Variants in RBM28 observed in about 807,000 individuals in gnomAD.
The protein encoded by RBM28 is RNA-binding protein 28.
In RBM28, 78 loss-of-function variants were observed where a neutral mutation model predicts 98.3. That is an observed-to-expected ratio of 0.79 (90% CI 0.66 to 0.96). The LOEUF is 0.96. RBM28 is among the 40% of genes least tolerant of loss of function. The pLI, the probability that RBM28 is intolerant of heterozygous loss-of-function variation, is 0.00. For synonymous variants in RBM28, 306 were observed against 330.9 expected, an observed-to-expected ratio of 0.92 and a Z score of 0.82; for missense variants, 838 against 913.0, an observed-to-expected ratio of 0.92 and a Z score of 1.06.
chr7:128,316,571 G>A (rs1329609759), intron 16 of RBM28, among the ~76,000 whole-genome samples: 1 of 152,050 alleles, frequency 6.6e-6, no homozygotes, highest in Admixed American at 6.6e-5. Flanking sequence ...AAATTAGCCG[G>A]GTATGGTGGT....
intron 11 of RBM28, 42 bp from the exon 12 acceptor site, chr7:128,324,736 G>A (rs369468986): frequency 1.4e-4 from 218 of 1,613,058 alleles, no homozygotes; most frequent in Non-Finnish European, 1.8e-4. Flanking sequence ...CATAATGGCC[G>A]GGCACAGTGG....
At chr7:128,331,076 C>G (rs1014485696) in intron 9 of RBM28, 148 bp from the exon 10 acceptor site, 2 of 679,292 alleles carry the variant, frequency 2.9e-6, no homozygotes, top group Non-Finnish European at 5.3e-6. Context: ...TGACCCTTGG[C>G]CCCAACTGAC....
At chr7:128,319,696 A>G (rs1796179728) in intron 14 of RBM28, among the ~76,000 whole-genome samples, 1 of 152,222 alleles carries the variant, frequency 6.6e-6, no homozygotes, top group Non-Finnish European at 1.5e-5. Context: ...ATAATGAGAT[A>G]ACGCTTGCCT....
At chr7:128,316,846 G>A (rs1235447917) in intron 16 of RBM28, among the ~76,000 whole-genome samples, 1 of 152,074 alleles carries the variant, frequency 6.6e-6, no homozygotes. Context: ...TCCAACCTAG[G>A]GCCACTGCAT....
At position 128,314,784 on chromosome 7, in the gene RBM28, T is replaced by G. The variant is rs186913740; in HGVS notation, c.2025A>C (p.Ser675=). The change falls in exon 17 of 19, where the codon TCA becomes TCC. Residue 675 remains serine (S), a synonymous_variant. Coordinates refer to ENST00000223073, the MANE Select transcript of RBM28 (RefSeq NM_018077.3). The stretch of plus-strand genomic sequence containing the variant: ...CTCACCTGATTTTGGGGCCTCGGTG[T>G]GAGGGGAGCGCCAGGACCTTTCTTC... ...KKRRKVLALP[S]HRGPKIRLRD... 2.4e-5 allele frequency: 39 copies of G among 1,614,190 alleles called. No homozygotes were observed. The African/African-American group carries it at 4.9e-4, about 20-fold the overall frequency.
rs1238116545 is a variant in RBM28 at position 128,309,593 on chromosome 7, A to AATGAGCTGAGACAGCGCCT, written c.*1203_*1204insAGGCGCTGTCTCAGCTCAT. 2.0e-5 allele frequency: 3 copies of AATGAGCTGAGACAGCGCCT among 150,046 alleles called. No individual in the cohort carries two copies. Among genetic ancestry groups the AATGAGCTGAGACAGCGCCT allele is most frequent in the African/African-American group, 7.4e-5 (3 of 40,546 alleles). The allele number at this position is 150,046 out of a possible 1,614,324, so 9.3% of individuals were successfully genotyped here. On this transcript the variant is annotated 3_prime_UTR_variant, in exon 19 of 19. Coordinates refer to ENST00000223073, the MANE Select transcript of RBM28 (RefSeq NM_018077.3). ...GGTTGCAATGAGCTGAGACAGCGCC[A>AATGAGCTGAGACAGCGCCT]TTGCACTCCAGCCTGGGCGACAGAG...
At chr7:128,336,194 A>C in intron 6 of RBM28, 152 bp from the exon 7 acceptor site, 1 of 755,108 alleles carries the variant, frequency 1.3e-6, no homozygotes, top group East Asian at 2.7e-5. Flanking sequence ...GAAAGTATAA[A>C]GAAAAGAAAA....
rs1173601573 is a variant in RBM28, at chr7:128,338,315, A to T, written c.476T>A (p.Val159Asp). 6.2e-7 allele frequency: 1 copy of T among 1,614,160 alleles called. No homozygotes were observed. Among genetic ancestry groups the T allele is most frequent in the South Asian group, 1.1e-5 (1 of 91,084 alleles). ...TGCTTCTAGGAGGTTTTTGAACTGA[A>T]CAAAACCAAAACCGCGCATCTTCCC... is the stretch of plus-strand genomic sequence containing the variant. ...PDGKMRGFGFVQFKNLLEAGK... is the reference protein window; with the variant it reads ...PDGKMRGFGFDQFKNLLEAGK... Residue 159 changes from valine to aspartate, a missense_variant, in exon 5 of 19, where the codon GTT becomes GAT. Val to Asp is a radical substitution (Grantham distance 152). Coordinates refer to ENST00000223073, the MANE Select transcript of RBM28 (RefSeq NM_018077.3).
chr7:128,342,222 A>G (rs1373893225), intron 1 of RBM28, among the ~76,000 whole-genome samples: 1 of 152,206 alleles, frequency 6.6e-6, no homozygotes, highest in African/African-American at 2.4e-5. Flanking sequence ...CTAATAGGTA[A>G]TAATCTGCAG....
chr7:128,302,213 C>T lies in RBM28; in HGVS notation c.*8584G>A, dbSNP rs1795790820. The stretch of plus-strand genomic sequence containing the variant: ...GAGAGAGCAGAGACAAATGGTGATT[C>T]TAAGAACCTGTCCCCTTCCCTGGGA... On this transcript the variant is annotated 3_prime_UTR_variant, in exon 19 of 19. Transcript: ENST00000223073. The T allele has an allele frequency of 6.6e-6, 1 of 152,234 alleles. No individual in the cohort carries two copies. Among genetic ancestry groups the T allele is most frequent in the South Asian group, 2.1e-4 (1 of 4,836 alleles). 9.4% of individuals were successfully genotyped at this position (152,234 alleles called of 1,614,324 possible).
chr7:128,322,834 AGAC>A (rs1562952362), intron 13 of RBM28, among the ~76,000 whole-genome samples: 1 of 152,126 alleles, frequency 6.6e-6, no homozygotes, highest in African/African-American at 2.4e-5. Flanking sequence ...ACTGAAAAAA[AGAC>A]GCACTGCCTC....
chr7:128,314,627 A>G lies in RBM28; in HGVS notation c.2045+137T>C, dbSNP rs527897316. 5.9e-5 allele frequency: 84 copies of G among 1,423,254 alleles called. 1 individual carries two copies. Among genetic ancestry groups the G allele is most frequent in the South Asian group, 3.4e-4 (29 of 85,872 alleles). 88.2% of individuals were successfully genotyped at this position (1,423,254 alleles called of 1,614,324 possible). A position where few individuals can be genotyped will look rare whatever the true frequency, so the allele number is the denominator to read the frequency against. ...TGATGGTGTTGAAGACTCGCGTGTT[A>G]ACCCCATGTGTGGGAATACATAGCA... On this transcript the variant is annotated intron_variant, in intron 17 of 18. Coordinates refer to ENST00000223073, the MANE Select transcript of RBM28 (RefSeq NM_018077.3).
chr7:128,323,447 G>T, intron 13 of RBM28, 80 bp downstream of exon 13: 1 of 1,522,484 alleles, frequency 6.6e-7, no homozygotes, highest in Non-Finnish European at 9.1e-7. Context: ...TCTTTGATGA[G>T]CACATCTAGC....
At chr7:128,315,989 G>A (rs1796100464) in intron 16 of RBM28, among the ~76,000 whole-genome samples, 1 of 152,180 alleles carries the variant, frequency 6.6e-6, no homozygotes, top group Admixed American at 6.5e-5. Context: ...AGTTATAGAA[G>A]TATTTGCACT....
intron 5 of RBM28, among the ~76,000 whole-genome samples, 196 bp downstream of exon 5, chr7:128,338,054 A>G (rs1258845423): frequency 6.6e-6 from 1 of 152,226 alleles, no homozygotes; most frequent in Admixed American, 6.5e-5. Flanking sequence ...GATAAAAGAA[A>G]GAATACTGGC....
intron 10 of RBM28, among the ~76,000 whole-genome samples, chr7:128,329,485 G>T (rs975385573): frequency 6.6e-6 from 1 of 152,204 alleles, no homozygotes; most frequent in Non-Finnish European, 1.5e-5. Context: ...AATGGAGGTA[G>T]GTTCTTAAGC....
chr7:128,338,210 A>T (rs1048314697), intron 5 of RBM28, 40 bp downstream of exon 5: 1 of 1,483,274 alleles, frequency 6.7e-7, no homozygotes, highest in East Asian at 2.3e-5. Flanking sequence ...CCAAAACACC[A>T]GAAATATCTG....
intron 5 of RBM28, among the ~76,000 whole-genome samples, chr7:128,337,960 G>A (rs553634660): frequency 6.6e-6 from 1 of 152,200 alleles, no homozygotes; most frequent in African/African-American, 2.4e-5. Context: ...TATAACCAAG[G>A]AGGAATCTAG....
chr7:128,327,946 G>C (rs1796390744), intron 10 of RBM28, among the ~76,000 whole-genome samples: 1 of 152,050 alleles, frequency 6.6e-6, no homozygotes, highest in Non-Finnish European at 1.5e-5. Context: ...AGAGCTAGTG[G>C]GGGCATTGAT....
Sources: allele counts gnomAD v4.1 joint callset (sites outside exome capture counted in the v4.1 genomes callset), GRCh38; gene constraint gnomAD v4.1.1; transcripts MANE v1.5; gene names NCBI Gene and HGNC (gene_info 2026-07-23, HGNC 2026-07-21).